Variants in PRIM2 observed in about 807,000 individuals in gnomAD.
The protein encoded by PRIM2 is DNA primase subunit 2, also known as DNA primase large subunit.
PRIM2 carries 39 observed loss-of-function variants against 67.3 expected under a neutral mutation model. That is an observed-to-expected ratio of 0.58 (90% CI 0.45 to 0.76). PRIM2 has a LOEUF of 0.76. Among genes scored for constraint, PRIM2 ranks in the 30% least tolerant of loss-of-function variants. The pLI is 0.00. For synonymous variants in PRIM2, 143 were observed against 198.7 expected (o/e 0.72, Z 2.36); for missense variants, 398 against 598.7 (o/e 0.66, Z 3.50).
At chr6:57,586,114 A>G (rs1776182542) in intron 10 of PRIM2, among the ~76,000 whole-genome samples, 1 of 152,190 alleles carries the variant, frequency 6.6e-6, no homozygotes, top group Non-Finnish European at 1.5e-5. Context: ...TAACTTTAAA[A>G]AAGGAGAGAA....
chr6:57,253,157 C>T, the PRIM2 span, among the ~76,000 whole-genome samples: 2 of 151,188 alleles, frequency 1.3e-5, no homozygotes, highest in African/African-American at 2.4e-5. Flanking sequence ...TTTCAGGATC[C>T]CCTCCTCAAT....
intron 7 of PRIM2, among the ~76,000 whole-genome samples, chr6:57,460,949 G>C (rs1772984137): frequency 2.0e-5 from 3 of 152,176 alleles, no homozygotes; most frequent in African/African-American, 7.2e-5. Context: ...AGATAAAAAA[G>C]ATGTACCTTG....
the PRIM2 span, among the ~76,000 whole-genome samples, chr6:57,268,874 A>T: frequency 6.8e-6 from 1 of 147,972 alleles, no homozygotes; most frequent in African/African-American, 2.5e-5. Context: ...ATGAGTGAGA[A>T]CATGCGGTGT....
intron 10 of PRIM2, among the ~76,000 whole-genome samples, chr6:57,545,540 C>T (rs1775272100): frequency 1.3e-5 from 2 of 152,190 alleles, no homozygotes; most frequent in African/African-American, 4.8e-5. Flanking sequence ...AAGCTATTCT[C>T]CTGCCTCAGC....
intron 10 of PRIM2, among the ~76,000 whole-genome samples, chr6:57,585,685 A>G (rs1479548608): frequency 5.3e-5 from 8 of 152,192 alleles, no homozygotes; most frequent in Non-Finnish European, 8.8e-5. Flanking sequence ...GGTTCTCTCT[A>G]AACTGACTGC....
chr6:57,492,550 AAAAAT>A (rs1363256347), intron 7 of PRIM2, among the ~76,000 whole-genome samples: 1 of 151,526 alleles, frequency 6.6e-6, no homozygotes, highest in Admixed American at 6.6e-5. Flanking sequence ...TCTAAAAAAA[AAAAAT>A]AAATAAATAA....
At chr6:57,435,471 C>T (rs572718609) in intron 7 of PRIM2, among the ~76,000 whole-genome samples, 49 of 152,308 alleles carry the variant, frequency 3.2e-4, no homozygotes, top group African/African-American at 1.2e-3. Flanking sequence ...GATCAGGCAA[C>T]AGCCTGATCA....
At chr6:57,515,987 C>A (rs1774479444) in intron 8 of PRIM2, among the ~76,000 whole-genome samples, 1 of 151,666 alleles carries the variant, frequency 6.6e-6, no homozygotes, top group African/African-American at 2.4e-5. Context: ...GGTCTTTCCT[C>A]CTAGAGGCTG....
the PRIM2 span, among the ~76,000 whole-genome samples, chr6:57,234,690 AT>A: frequency 1.3e-5 from 2 of 151,696 alleles, no homozygotes; most frequent in East Asian, 1.9e-4. Flanking sequence ...TGCCCAGCTA[AT>A]TTTTTGTATT....
intron 7 of PRIM2, among the ~76,000 whole-genome samples, chr6:57,432,686 T>C (rs1771875715): frequency 6.6e-6 from 1 of 152,248 alleles, no homozygotes. Context: ...TTCAGATTTT[T>C]CTTTTTAAGA....
chr6:57,253,024 C>T, the PRIM2 span, among the ~76,000 whole-genome samples: 2 of 151,966 alleles, frequency 1.3e-5, no homozygotes. Flanking sequence ...GATGAGGTTC[C>T]CCATGTTTAC....
chr6:57,610,560 A>T (rs1175334258), intron 12 of PRIM2, among the ~76,000 whole-genome samples: 1 of 151,964 alleles, frequency 6.6e-6, no homozygotes, highest in Non-Finnish European at 1.5e-5. Flanking sequence ...AGAAACAGCA[A>T]TTAAACAACA....
At chr6:57,298,622 T>A in the PRIM2 span, among the ~76,000 whole-genome samples, 1 of 152,008 alleles carries the variant, frequency 6.6e-6, no homozygotes, top group East Asian at 1.9e-4. Context: ...TCATATAAAG[T>A]GGTGGATTCC....
intron 7 of PRIM2, among the ~76,000 whole-genome samples, chr6:57,415,933 C>G (rs1771245773): frequency 6.6e-6 from 1 of 152,170 alleles, no homozygotes; most frequent in Non-Finnish European, 1.5e-5. Flanking sequence ...TGAACTTCCT[C>G]CATTGAAGAC....
the PRIM2 span, among the ~76,000 whole-genome samples, chr6:57,289,175 T>C: frequency 6.6e-6 from 1 of 152,082 alleles, no homozygotes; most frequent in Non-Finnish European, 1.5e-5. Flanking sequence ...CTTCAATAGC[T>C]GATTTGACCA....
At chr6:57,544,252 G>T (rs1775239605) in intron 10 of PRIM2, among the ~76,000 whole-genome samples, 1 of 151,926 alleles carries the variant, frequency 6.6e-6, no homozygotes, top group Non-Finnish European at 1.5e-5. Flanking sequence ...TCTCTGGTCG[G>T]AGAGGAGATT....
intron 5 of PRIM2, among the ~76,000 whole-genome samples, chr6:57,376,594 G>C (rs1358512785): frequency 2.0e-5 from 3 of 152,126 alleles, no homozygotes; most frequent in African/African-American, 4.8e-5. Context: ...ATACACAAAA[G>C]CTATTACGAT....
chr6:57,529,669 A>G (rs1447917278), intron 8 of PRIM2, among the ~76,000 whole-genome samples: 2 of 152,220 alleles, frequency 1.3e-5, no homozygotes, highest in African/African-American at 4.8e-5. Flanking sequence ...GTTTTAGGAT[A>G]TGGTCTCATA....
intron 7 of PRIM2, among the ~76,000 whole-genome samples, chr6:57,473,636 T>A (rs1773392126): frequency 6.6e-6 from 1 of 152,118 alleles, no homozygotes; most frequent in East Asian, 1.9e-4. Context: ...TCTTATTCCT[T>A]CCAGAAGTAA....
Sources: gnomAD v4.1 joint callset for allele counts (sites outside exome capture counted in the v4.1 genomes callset) on GRCh38, gnomAD v4.1.1 for gene constraint, MANE v1.5 for transcripts, NCBI Gene and HGNC (gene_info 2026-07-23, HGNC 2026-07-21) for gene names.